CEP135: variants seen among roughly 807,000 people sequenced by gnomAD.
CEP135 encodes centrosomal protein of 135 kDa.
CEP135 carries 142 observed loss-of-function variants against 157.3 expected under a neutral mutation model. The observed-to-expected ratio is 0.90, with a 90% CI of 0.79 to 1.04. CEP135 has a LOEUF of 1.04. Among genes scored for constraint, CEP135 ranks in the 50% least tolerant of loss-of-function variants. The probability of loss-of-function intolerance (pLI) is 0.00; values close to 1 mark genes in which losing one functional copy is unlikely to be tolerated. For synonymous variants in CEP135, 396 were observed against 439.8 expected (o/e 0.90, Z 1.25); for missense variants, 1,317 against 1,309.2 (o/e 1.01, Z -0.09).
intron 21 of CEP135, 146 bp downstream of exon 21, chr4:56,012,131 T>TA (rs1368200827): frequency 4.9e-5 from 24 of 485,140 alleles, no homozygotes; most frequent in Non-Finnish European, 8.3e-5. Context: ...GATCTTTGCT[T>TA]ACTGCACCCA....
chr4:56,031,185 C>T (rs1731335380), intron 25 of CEP135, among the ~76,000 whole-genome samples, 175 bp from the exon 26 acceptor site: 1 of 152,006 alleles, frequency 6.6e-6, no homozygotes, highest in Non-Finnish European at 1.5e-5. Flanking sequence ...TAAAACAGTA[C>T]TTGAACTTTC....
intron 5 of CEP135, among the ~76,000 whole-genome samples, chr4:55,958,592 C>A (rs1199742246): frequency 2.6e-5 from 4 of 152,096 alleles, no homozygotes; most frequent in Admixed American, 2.6e-4. Context: ...TGACATTAGT[C>A]TTTTTTAATT....
chr4:56,009,863 G>T lies in CEP135; in HGVS notation c.2465G>T (p.Arg822Ile). The T allele has an allele frequency of 6.2e-7, 1 of 1,613,760 alleles. No homozygotes were observed. The highest frequency in any genetic ancestry group is 8.5e-7 in the Non-Finnish European group (1 of 1,179,924). The change falls in exon 19 of 26, where the codon AGA (arginine) becomes ATA (isoleucine). Residue 822 changes from arginine (R) to isoleucine (I), a missense_variant. Physicochemically the swap from Arg to Ile is moderately conservative, Grantham distance 97. Coordinates refer to ENST00000257287, the MANE Select transcript of CEP135 (RefSeq NM_025009.5). Reference protein sequence around the residue: ...SREIAFKENRRLQDDLATMAR... With the variant: ...SREIAFKENRILQDDLATMAR... ...GAAATCGCTTTTAAGGAAAACAGAA[G>T]ACTGCAAGATGACCTGGCTACAATG...
intron 6 of CEP135, 69 bp from the exon 7 acceptor site, chr4:55,964,205 G>GTT (rs1728772193): frequency 1.4e-6 from 2 of 1,428,476 alleles, no homozygotes; most frequent in Non-Finnish European, 1.9e-6. Flanking sequence ...CCAAATAAAT[G>GTT]TTTGTACAGT....
intron 21 of CEP135, among the ~76,000 whole-genome samples, chr4:56,017,065 A>G (rs1249907822): frequency 6.6e-6 from 1 of 152,186 alleles, no homozygotes; most frequent in Non-Finnish European, 1.5e-5. Flanking sequence ...TATTACTCAT[A>G]ATTCAAATTG....
In CEP135 at chr4:55,954,332, A is replaced by G. The variant is rs761485437; in HGVS notation, c.421A>G (p.Arg141Gly). The G allele has an allele frequency of 1.9e-6, 3 of 1,609,268 alleles. No homozygotes were observed. Among genetic ancestry groups the G allele is most frequent in the Non-Finnish European group, 1.7e-6 (2 of 1,178,472 alleles). The change falls in exon 4 of 26, where the codon AGA (arginine) becomes GGA (glycine). Residue 141 changes from arginine (R) to glycine (G), a missense_variant. Transcript: ENST00000257287. Reference protein sequence around the residue: ...LEKESKAKNERIQQLQEKNLH... With the variant: ...LEKESKAKNEGIQQLQEKNLH... ...GAAAGAGAGCAAAGCTAAGAATGAAAGAATTCAACAACTTCAAGAAAAGAA... is the reference window on the plus strand; with the variant it reads ...GAAAGAGAGCAAAGCTAAGAATGAAGGAATTCAACAACTTCAAGAAAAGAA...
chr4:56,022,510 C>G (rs1259625367), intron 24 of CEP135, among the ~76,000 whole-genome samples: 2 of 152,100 alleles, frequency 1.3e-5, no homozygotes, highest in African/African-American at 2.4e-5. Flanking sequence ...GAGGGATAAT[C>G]TGGGGAGGAA....
chr4:55,990,549 G>A (rs534511922), intron 14 of CEP135, among the ~76,000 whole-genome samples: 9 of 151,756 alleles, frequency 5.9e-5, no homozygotes, highest in Non-Finnish European at 1.2e-4. Context: ...AGGCCGGAGT[G>A]CTGTTGTATG....
At chr4:55,962,730 C>CTT (rs56378859) in intron 6 of CEP135, among the ~76,000 whole-genome samples, 2,929 of 125,256 alleles carry the variant, frequency 0.023, 46 homozygotes, top group Admixed American at 0.054. Flanking sequence ...TTTTAAGCCT[C>CTT]TTTTTTTTTT....
intron 17 of CEP135, among the ~76,000 whole-genome samples, chr4:56,006,173 T>C (rs1230388398): frequency 6.6e-6 from 1 of 152,236 alleles, no homozygotes; most frequent in Non-Finnish European, 1.5e-5. Context: ...GTAAGCTTTC[T>C]ACCCCTTCAT....
intron 15 of CEP135, among the ~76,000 whole-genome samples, chr4:55,994,672 A>G (rs59902381): frequency 0.067 from 10,036 of 150,014 alleles, 457 homozygotes; most frequent in Middle Eastern, 0.083. Flanking sequence ...AGGCTTTTCT[A>G]TATCAAGCAT....
intron 13 of CEP135, among the ~76,000 whole-genome samples, chr4:55,984,808 A>G (rs1261665452): frequency 6.6e-6 from 1 of 152,210 alleles, no homozygotes; most frequent in African/African-American, 2.4e-5. Context: ...CCCTGTGTTT[A>G]TACTGTTGAC....
chr4:55,969,637 ATTCC>A lies in CEP135; in HGVS notation c.1110+513_1110+516del, dbSNP rs547939172. Reference sequence around the variant, plus strand: ...ATGTGGTAGCATTTATGAGTACTTCATTCCTTCTTATGGCTGAGTAATATTCCAC... The same window carrying A: ...ATGTGGTAGCATTTATGAGTACTTCATTCTTATGGCTGAGTAATATTCCAC... On this transcript the variant is annotated intron_variant, in intron 9 of 25. Coordinates refer to ENST00000257287, the MANE Select transcript of CEP135 (RefSeq NM_025009.5). Among the ~76,000 whole-genome samples, 458 of 152,200 alleles carry A rather than the reference ATTCC, an allele frequency of 3.0e-3. 3 individuals are homozygous for A. Among genetic ancestry groups the A allele is most frequent in the African/African-American group, 0.01 (420 of 41,526 alleles).
chr4:55,973,870 T>C (rs1196985590), intron 10 of CEP135, among the ~76,000 whole-genome samples: 1 of 152,146 alleles, frequency 6.6e-6, no homozygotes, highest in Non-Finnish European at 1.5e-5. Flanking sequence ...ACCTCTGTTA[T>C]GCTGAATGCA....
At chr4:55,994,709 G>A (rs1173586183) in intron 15 of CEP135, among the ~76,000 whole-genome samples, 4 of 143,774 alleles carry the variant, frequency 2.8e-5, no homozygotes, top group Admixed American at 1.4e-4. Context: ...TTTTTGAGAC[G>A]GAGTCTTGCT....
Position 55,988,687 on chromosome 4 carries a change from G to T in CEP135, c.1858-3247G>T, listed in dbSNP as rs547152934. On this transcript the variant is annotated intron_variant, in intron 14 of 25. Transcript: ENST00000257287. Reference sequence around the variant, plus strand: ...AAAAAAAAAAAAATGGCTGGGCGTGGTGGCTCACGCCTGTAATCCCAGCAC... The same window carrying T: ...AAAAAAAAAAAAATGGCTGGGCGTGTTGGCTCACGCCTGTAATCCCAGCAC... Among the ~76,000 whole-genome samples, 40 of 148,512 alleles carry T rather than the reference G, an allele frequency of 2.7e-4. No homozygotes were observed. In the East Asian group the frequency reaches 7.0e-3, roughly 26 times the overall value.
At position 56,011,927 on chromosome 4, in the gene CEP135, A is replaced by G; in HGVS notation, c.2744A>G (p.Asp915Gly). 1 of 1,599,344 alleles carries G rather than the reference A, an allele frequency of 6.3e-7. No homozygotes were observed. Among genetic ancestry groups the G allele is most frequent in the Non-Finnish European group, 8.5e-7 (1 of 1,173,172 alleles). ...SSVRLELLSI[D>G]TERRHLRERV... is the part of the protein sequence containing the mutation. ...GTTCGACTGGAACTTCTTTCTATTGACACTGAGAGGAGACATCTTCGAGAA... is the reference window on the plus strand; with the variant it reads ...GTTCGACTGGAACTTCTTTCTATTGGCACTGAGAGGAGACATCTTCGAGAA... The change falls in exon 21 of 26, where the codon GAC (aspartate) becomes GGC (glycine). Residue 915 changes from aspartate (D) to glycine (G), a missense_variant. By Grantham distance (94) the Asp-to-Gly change is moderately conservative (BLOSUM62 -1). Transcript: ENST00000257287.
chr4:56,011,677 C>A, intron 20 of CEP135, 123 bp from the exon 21 acceptor site: 1 of 975,622 alleles, frequency 1.0e-6, no homozygotes, highest in Non-Finnish European at 1.5e-6. Flanking sequence ...GTGGTACCTG[C>A]ACAGATATCT....
chr4:56,018,650 C>T (rs972622122), intron 22 of CEP135, among the ~76,000 whole-genome samples: 2 of 151,888 alleles, frequency 1.3e-5, no homozygotes, highest in Non-Finnish European at 2.9e-5. Context: ...CCCAGCTACT[C>T]GGGAGGCTGA....
Sources: allele counts gnomAD v4.1 joint callset (sites outside exome capture counted in the v4.1 genomes callset), GRCh38; gene constraint gnomAD v4.1.1; transcripts MANE v1.5; gene names NCBI Gene and HGNC (gene_info 2026-07-23, HGNC 2026-07-21).